Variants in CDH23 observed in about 807,000 individuals in gnomAD.
The protein encoded by CDH23 is cadherin-23.
Under a neutral mutation model 317.1 loss-of-function variants are expected in CDH23, and 189 were observed. The ratio of observed to expected loss-of-function variants is 0.60; its 90% CI spans 0.53 to 0.67. The LOEUF is 0.67. CDH23 is among the 30% of genes least tolerant of loss of function. CDH23 has a pLI of 0.00. For missense variants in CDH23, 4,401 were observed against 4,592.4 expected (o/e 0.96, Z 1.20); for synonymous variants, 1,839 against 1,876.8 (o/e 0.98, Z 0.52).
intron 3 of CDH23, among the ~76,000 whole-genome samples, chr10:71,498,975 A>G (rs187948740): frequency 6.6e-6 from 1 of 152,330 alleles, no homozygotes; most frequent in African/African-American, 2.4e-5. Flanking sequence ...TTGCGGCACT[A>G]TTTGCAATAG....
chr10:71,643,971 C>T (rs1400249410), intron 12 of CDH23, 105 bp downstream of exon 12: 1 of 723,928 alleles, frequency 1.4e-6, no homozygotes, highest in South Asian at 1.5e-5. Context: ...CCCCCACCCT[C>T]TCAGGCCCCC....
At position 71,651,660 on chromosome 10, in the gene CDH23, T is replaced by C. The variant is rs540411175; in HGVS notation, c.1449+5043T>C. ...TGTGGGGAAGTGGGGTCCTGCTCCTTTGAAGCACAAGAGGCTTGGCTGTTT... is the reference window on the plus strand; with the variant it reads ...TGTGGGGAAGTGGGGTCCTGCTCCTCTGAAGCACAAGAGGCTTGGCTGTTT... On this transcript the variant is annotated intron_variant, in intron 14 of 69. Coordinates refer to ENST00000224721, the MANE Select transcript of CDH23 (RefSeq NM_022124.6). Among the ~76,000 whole-genome samples, 13 of 152,236 alleles carry C rather than the reference T, an allele frequency of 8.5e-5. No individual in the cohort carries two copies. The East Asian group carries it at 2.3e-3, about 27-fold the overall frequency.
intron 1 of CDH23, among the ~76,000 whole-genome samples, chr10:71,403,403 CTTTCT>C (rs1392264963): frequency 4.6e-4 from 37 of 80,034 alleles, no homozygotes; most frequent in East Asian, 1.5e-3. Context: ...TTCTTTCTTT[CTTTCT>C]CTTCCTTCCT....
At chr10:71,736,147 C>T (rs1350560297) in intron 34 of CDH23, among the ~76,000 whole-genome samples, 2 of 152,224 alleles carry the variant, frequency 1.3e-5, no homozygotes, top group African/African-American at 4.8e-5. Flanking sequence ...CTTCGGAGCA[C>T]ACACTTCTGC....
rs1182142993 is a variant in CDH23, at chr10:71,815,320, C to T, written c.*42C>T. ...TGTGGGTGTGAGCAGCACCCATCCACCGTCCCCTCCCAGGGAGCAAGGGCA... is the reference window on the plus strand; with the variant it reads ...TGTGGGTGTGAGCAGCACCCATCCATCGTCCCCTCCCAGGGAGCAAGGGCA... On this transcript the variant is annotated 3_prime_UTR_variant, in exon 70 of 70. Coordinates refer to ENST00000224721, the MANE Select transcript of CDH23 (RefSeq NM_022124.6). 2 of 1,489,882 alleles carry T rather than the reference C, an allele frequency of 1.3e-6. No homozygotes were observed. The highest frequency in any genetic ancestry group is 1.8e-6 in the Non-Finnish European group (2 of 1,110,878). The allele number at this position is 1,489,882 out of a possible 1,614,324, so 92.3% of individuals were successfully genotyped here.
rs1420816588 is a variant in CDH23, at chr10:71,553,597, A to C, written c.430-13145A>C. The stretch of plus-strand genomic sequence containing the variant: ...GAGGGACAGGGGTGGGAGGAGTCCG[A>C]GGGGCAGGGGAGGAGAGACAGCAGG... On this transcript the variant is annotated intron_variant, in intron 6 of 69. Coordinates refer to ENST00000224721, the MANE Select transcript of CDH23 (RefSeq NM_022124.6). Among the ~76,000 whole-genome samples the C allele has an allele frequency of 2.0e-5, 3 of 152,136 alleles. No homozygotes were observed. In the East Asian group the frequency reaches 5.8e-4, roughly 29 times the overall value.
Position 71,727,423 on chromosome 10 carries a change from A to G in CDH23, c.3579+1903A>G, listed in dbSNP as rs368724702. Among the ~76,000 whole-genome samples, 39 of 152,348 alleles carry G rather than the reference A, an allele frequency of 2.6e-4. 1 individual carries two copies. In the East Asian group the frequency reaches 7.1e-3, roughly 28 times the overall value. On this transcript the variant is annotated intron_variant, in intron 30 of 69. Transcript: ENST00000224721. ...GGCAGGTGCTTGGTGGCACTGTAGT[A>G]CACAGCCTCCACACCCATGAGACCC... is the stretch of plus-strand genomic sequence containing the variant.
intron 18 of CDH23, among the ~76,000 whole-genome samples, chr10:71,685,292 A>G (rs189874058): frequency 5.9e-5 from 9 of 152,292 alleles, no homozygotes; most frequent in Admixed American, 2.0e-4. Context: ...TTTGAGGAGC[A>G]AGGCCTTCAG....
chr10:71,545,190 T>C (rs1856204037), intron 6 of CDH23, among the ~76,000 whole-genome samples: 1 of 152,142 alleles, frequency 6.6e-6, no homozygotes, highest in Non-Finnish European at 1.5e-5. Context: ...TAGCTCCTGC[T>C]ACAAGAGGGA....
intron 3 of CDH23, among the ~76,000 whole-genome samples, chr10:71,447,137 G>A (rs1850210147): frequency 6.6e-6 from 1 of 152,148 alleles, no homozygotes; most frequent in Admixed American, 6.5e-5. Context: ...CTTACTCTCG[G>A]GTCTGCCATC....
intron 6 of CDH23, among the ~76,000 whole-genome samples, chr10:71,549,737 C>G (rs1175422627): frequency 2.0e-5 from 3 of 152,194 alleles, no homozygotes; most frequent in African/African-American, 7.2e-5. Flanking sequence ...GGGTTTTACA[C>G]TTTTCTCCAA....
At chr10:71,408,210 A>G (rs1251578096) in intron 1 of CDH23, among the ~76,000 whole-genome samples, 2 of 152,136 alleles carry the variant, frequency 1.3e-5, no homozygotes, top group African/African-American at 2.4e-5. Context: ...GTACAAGTCA[A>G]TTGATATTTA....
chr10:71,611,210 A>G (rs1375388707), intron 9 of CDH23, among the ~76,000 whole-genome samples: 1 of 152,206 alleles, frequency 6.6e-6, no homozygotes, highest in Non-Finnish European at 1.5e-5. Context: ...AGGACGTGGA[A>G]GTGAGGGAAG....
intron 9 of CDH23, among the ~76,000 whole-genome samples, chr10:71,583,838 T>C (rs181957045): frequency 6.6e-6 from 1 of 152,182 alleles, no homozygotes; most frequent in East Asian, 1.9e-4. Context: ...AGAGTTTACA[T>C]AGATTGGCCA....
intron 9 of CDH23, among the ~76,000 whole-genome samples, chr10:71,592,934 C>T (rs1213191041): frequency 6.6e-6 from 1 of 152,190 alleles, no homozygotes; most frequent in Non-Finnish European, 1.5e-5. Flanking sequence ...CTGCCAAGCA[C>T]CTCTACACTC....
chr10:71,590,378 G>A (rs1859384676), intron 9 of CDH23, among the ~76,000 whole-genome samples: 1 of 152,108 alleles, frequency 6.6e-6, no homozygotes, highest in South Asian at 2.1e-4. Context: ...ATTTCTTTTT[G>A]GGTGCAAGGT....
chr10:71,696,986 C>T (rs913122841), intron 22 of CDH23, among the ~76,000 whole-genome samples: 4 of 152,236 alleles, frequency 2.6e-5, no homozygotes, highest in Non-Finnish European at 5.9e-5. Context: ...CACCTCTGAA[C>T]ACCTTCTGGT....
At position 71,456,248 on chromosome 10, in the gene CDH23, C is replaced by T. The variant is rs557516840; in HGVS notation, c.145+9853C>T. Among the ~76,000 whole-genome samples the T allele has an allele frequency of 1.5e-4, 23 of 151,076 alleles. No individual in the cohort carries two copies. In the East Asian group the frequency reaches 4.1e-3, roughly 27 times the overall value. On this transcript the variant is annotated intron_variant, in intron 3 of 69. Coordinates refer to ENST00000224721, the MANE Select transcript of CDH23 (RefSeq NM_022124.6). The stretch of plus-strand genomic sequence containing the variant: ...TGATCGGTGCTGGAACCAAGGGACC[C>T]AGGGCTTTGGGCTCTTGGTGCCCTC...
intron 11 of CDH23, among the ~76,000 whole-genome samples, chr10:71,630,170 T>C (rs1861934544): frequency 6.6e-6 from 1 of 152,126 alleles, no homozygotes; most frequent in African/African-American, 2.4e-5. Context: ...TACAGGCACA[T>C]GCCACTGTGC....
Sources: allele counts gnomAD v4.1 joint callset (sites outside exome capture counted in the v4.1 genomes callset), GRCh38; gene constraint gnomAD v4.1.1; transcripts MANE v1.5; gene names NCBI Gene and HGNC (gene_info 2026-07-23, HGNC 2026-07-21).